RAD54B: variants seen among roughly 807,000 people sequenced by gnomAD.
The protein encoded by RAD54B is RAD54 homolog B.
RAD54B carries 78 observed loss-of-function variants against 95.8 expected under a neutral mutation model. That is an observed-to-expected ratio of 0.81 (90% CI 0.68 to 0.98). RAD54B has a LOEUF of 0.98. Among genes scored for constraint, RAD54B ranks in the 50% least tolerant of loss-of-function variants. The pLI is 0.00. For synonymous variants in RAD54B, 328 were observed against 354.9 expected (o/e 0.92, Z 0.85); for missense variants, 957 against 1,056.6 (o/e 0.91, Z 1.31).
At chr8:94,436,406 TTACTATG>T in intron 3 of RAD54B, 1 of 1,398,290 alleles carries the variant, frequency 7.2e-7, no homozygotes, top group East Asian at 2.5e-5. Context: ...GTGGGGATGC[TTACTATG>T]CATATCTCTA....
At position 94,427,810 on chromosome 8, in the gene RAD54B, C is replaced by T. The variant is rs1811981235; in HGVS notation, c.305-16495G>A. 8 of 959,466 alleles carry T rather than the reference C, an allele frequency of 8.3e-6. No individual in the cohort carries two copies. In the South Asian group the frequency reaches 3.4e-4, roughly 40 times the overall value. 59.4% of individuals were successfully genotyped at this position (959,466 alleles called of 1,614,324 possible). A position where few individuals can be genotyped will look rare whatever the true frequency, so the allele number is the denominator to read the frequency against. ...TATATTAAACACAATTTATTACACT[C>T]TAAGTTATTTAAACATGTGTATTTA... On this transcript the variant is annotated intron_variant, in intron 3 of 14. Coordinates refer to ENST00000336148, the MANE Select transcript of RAD54B (RefSeq NM_012415.3).
chr8:94,388,469 T>C lies in RAD54B; in HGVS notation c.1810-1310A>G, dbSNP rs534389107. 9.2e-5 allele frequency among the ~76,000 whole-genome samples: 14 copies of C among 152,286 alleles called. No homozygotes were observed. The East Asian group carries it at 2.7e-3, about 29-fold the overall frequency. ...ACAGTAGGCTATTCGTAGTTCAGTT[T>C]TGGGGGAGTCAAAAGTCATACAAGT... On this transcript the variant is annotated intron_variant, in intron 10 of 14. Coordinates refer to ENST00000336148, the MANE Select transcript of RAD54B (RefSeq NM_012415.3).
At chr8:94,400,789 A>G (rs1449460752) in intron 6 of RAD54B, among the ~76,000 whole-genome samples, 1 of 152,174 alleles carries the variant, frequency 6.6e-6, no homozygotes, top group Non-Finnish European at 1.5e-5. Context: ...TCTCATCACT[A>G]AGAGTTGAGT....
intron 1 of RAD54B, among the ~76,000 whole-genome samples, chr8:94,468,481 G>A (rs957118020): frequency 6.6e-6 from 1 of 151,808 alleles, no homozygotes; most frequent in Admixed American, 6.6e-5. Context: ...GGATGAGGCC[G>A]GAGGATCCCT....
At chr8:94,387,710 C>T (rs901882497) in intron 10 of RAD54B, among the ~76,000 whole-genome samples, 2 of 152,164 alleles carry the variant, frequency 1.3e-5, no homozygotes, top group Non-Finnish European at 2.9e-5. Context: ...TTTATTCTTA[C>T]TTACAACAAT....
chr8:94,411,958 ACAATAGATTTCTTGAACTTAT>A (rs1412785345), intron 3 of RAD54B, among the ~76,000 whole-genome samples: 1 of 152,114 alleles, frequency 6.6e-6, no homozygotes, highest in East Asian at 1.9e-4. Flanking sequence ...ACCATGTTAT[ACAATAGATTTCTTGAACTTAT>A]TCCTCCTTAA....
chr8:94,466,761 AATC>A (rs1351632077), intron 2 of RAD54B, among the ~76,000 whole-genome samples: 5 of 152,132 alleles, frequency 3.3e-5, no homozygotes, highest in Non-Finnish European at 1.5e-5. Flanking sequence ...TAGTGATACA[AATC>A]ATTATGTATT....
chr8:94,431,945 A>G (rs1812106878), intron 3 of RAD54B: 1 of 1,285,056 alleles, frequency 7.8e-7, no homozygotes. Context: ...AACTATAACC[A>G]TGCCAACCAA....
chr8:94,383,345 C>T (rs1810790199), intron 11 of RAD54B, among the ~76,000 whole-genome samples: 1 of 148,402 alleles, frequency 6.7e-6, no homozygotes, highest in Non-Finnish European at 1.5e-5. Context: ...GAGATCAGTT[C>T]AAATTGTAGC....
intron 3 of RAD54B, among the ~76,000 whole-genome samples, chr8:94,452,978 TGA>T (rs1315997945): frequency 6.6e-6 from 1 of 152,154 alleles, no homozygotes; most frequent in Non-Finnish European, 1.5e-5. Flanking sequence ...GCATTGCTGA[TGA>T]GAGTATAAAC....
chr8:94,456,003 A>G (rs769340079), intron 3 of RAD54B, among the ~76,000 whole-genome samples: 3 of 152,200 alleles, frequency 2.0e-5, no homozygotes, highest in Non-Finnish European at 4.4e-5. Context: ...TGAAGCCACT[A>G]CATTTCCCCT....
chr8:94,405,045 C>G (rs1366608239), intron 5 of RAD54B, among the ~76,000 whole-genome samples: 4 of 152,096 alleles, frequency 2.6e-5, no homozygotes, highest in Non-Finnish European at 5.9e-5. Flanking sequence ...AACTCCTGAC[C>G]TCAAGTGATC....
chr8:94,393,110 C>T (rs1051025969), intron 9 of RAD54B, among the ~76,000 whole-genome samples: 84 of 152,054 alleles, frequency 5.5e-4, no homozygotes, highest in African/African-American at 2.0e-3. Context: ...GAATGAGCCA[C>T]CACACCCAGC....
Position 94,454,901 on chromosome 8 carries a change from GA to G in RAD54B, c.304+3366del, listed in dbSNP as rs552415948. 2.0e-5 allele frequency among the ~76,000 whole-genome samples: 3 copies of G among 152,126 alleles called. No homozygotes were observed. In the South Asian group the frequency reaches 6.2e-4, roughly 32 times the overall value. On this transcript the variant is annotated intron_variant, in intron 3 of 14. Coordinates refer to ENST00000336148, the MANE Select transcript of RAD54B (RefSeq NM_012415.3). ...CTCCAAGGACCTAAGACCCACTTAA[GA>G]AACATTTAGCTAACTTCTCCAATGG...
intron 14 of RAD54B, among the ~76,000 whole-genome samples, chr8:94,377,975 C>CAAAAAAA (rs59955111): frequency 1.3e-5 from 1 of 77,156 alleles, no homozygotes; most frequent in African/African-American, 4.9e-5. Context: ...GACTCCGTCT[C>CAAAAAAA]AAAAAAAAAA....
At chr8:94,375,920 G>A (rs2046666) in intron 14 of RAD54B, among the ~76,000 whole-genome samples, 68,974 of 151,140 alleles carry the variant, frequency 0.46, 17,382 homozygotes, top group Non-Finnish European at 0.59. Flanking sequence ...GGGTAGAGTA[G>A]GAGGTAGAGT....
chr8:94,393,684 T>C (rs1176451508), intron 9 of RAD54B, 59 bp downstream of exon 9: 8 of 1,428,328 alleles, frequency 5.6e-6, no homozygotes, highest in Non-Finnish European at 7.7e-6. Flanking sequence ...TATGAAGTTA[T>C]GGATGATTTC....
chr8:94,401,578 T>C (rs1811269415), intron 6 of RAD54B, among the ~76,000 whole-genome samples: 1 of 152,220 alleles, frequency 6.6e-6, no homozygotes, highest in Non-Finnish European at 1.5e-5. Flanking sequence ...GTTAAGTTTC[T>C]GCAAAAGTTA....
chr8:94,389,776 G>T (rs978892158), intron 10 of RAD54B, among the ~76,000 whole-genome samples: 1 of 152,158 alleles, frequency 6.6e-6, no homozygotes, highest in Non-Finnish European at 1.5e-5. Context: ...TGAAGTTAGA[G>T]AAAAGGCTTT....
Sources: allele counts gnomAD v4.1 joint callset (sites outside exome capture counted in the v4.1 genomes callset), GRCh38; gene constraint gnomAD v4.1.1; transcripts MANE v1.5; gene names NCBI Gene and HGNC (gene_info 2026-07-23, HGNC 2026-07-21).